Variants in UBE2B observed in about 807,000 individuals in gnomAD.
The protein encoded by UBE2B is ubiquitin-conjugating enzyme E2 B.
In UBE2B, 11 loss-of-function variants were observed where a neutral mutation model predicts 24.6. The ratio of observed to expected loss-of-function variants is 0.45; its 90% confidence interval spans 0.28 to 0.74. UBE2B has a LOEUF of 0.74. UBE2B is among the 30% of genes least tolerant of loss of function. The pLI is 0.13. For synonymous variants in UBE2B, 68 were observed against 62.4 expected (o/e 1.09, Z -0.42); for missense variants, 78 against 185.6 (o/e 0.42, Z 3.37).
intron 4 of UBE2B, 82 bp from the exon 5 acceptor site, chr5:134,388,243 C>A (rs1055282769): frequency 4.2e-6 from 5 of 1,200,744 alleles, no homozygotes; most frequent in Middle Eastern, 2.6e-4. Context: ...AACTTCTAAG[C>A]CAAGCATTCT....
At chr5:134,376,348 A>AAAATATATATATATATATAT (rs1554114145) in intron 2 of UBE2B, among the ~76,000 whole-genome samples, 1 of 4,776 alleles carries the variant, frequency 2.1e-4, no homozygotes, top group African/African-American at 4.4e-4. Flanking sequence ...AAAAAAAAAA[A>AAAATATATATATATATATAT]ATATATATAT....
intron 3 of UBE2B, among the ~76,000 whole-genome samples, chr5:134,379,394 C>T (rs1758666366): frequency 6.6e-6 from 1 of 151,752 alleles, no homozygotes; most frequent in Admixed American, 6.6e-5. Context: ...GCCTGTAATC[C>T]CAGCACTTTG....
At chr5:134,381,057 C>T (rs192766327) in intron 4 of UBE2B, among the ~76,000 whole-genome samples, 217 of 150,112 alleles carry the variant, frequency 1.4e-3, no homozygotes, top group African/African-American at 5.1e-3. Context: ...AGCTCCGCCT[C>T]CCGGGTTCAC....
chr5:134,372,735 G>A (rs754128655), intron 1 of UBE2B, among the ~76,000 whole-genome samples: 2 of 152,130 alleles, frequency 1.3e-5, no homozygotes, highest in African/African-American at 2.4e-5. Flanking sequence ...GCTTCTGTTC[G>A]TGGTGGCCTA....
intron 4 of UBE2B, among the ~76,000 whole-genome samples, chr5:134,384,837 ACT>A (rs752301498): frequency 4.0e-5 from 6 of 151,862 alleles, no homozygotes; most frequent in African/African-American, 1.4e-4. Context: ...TTAGCAGTCA[ACT>A]CTGTTTGTCT....
chr5:134,379,940 A>G (rs1758681564), intron 3 of UBE2B, among the ~76,000 whole-genome samples: 1 of 151,738 alleles, frequency 6.6e-6, no homozygotes, highest in Non-Finnish European at 1.5e-5. Context: ...TTGGAGACAG[A>G]GTCTTGCTCT....
At chr5:134,375,499 C>T (rs1758583214) in intron 2 of UBE2B, among the ~76,000 whole-genome samples, 1 of 152,092 alleles carries the variant, frequency 6.6e-6, no homozygotes, top group Non-Finnish European at 1.5e-5. Context: ...TCATAAAGTA[C>T]TTCTGAATTT....
At chr5:134,386,723 T>C (rs186573074) in intron 4 of UBE2B, among the ~76,000 whole-genome samples, 1 of 152,208 alleles carries the variant, frequency 6.6e-6, no homozygotes, top group East Asian at 1.9e-4. Context: ...GTCTTAGAAA[T>C]GTTTTTTGAC....
At chr5:134,374,328 GCCT>G (rs1758561214) in intron 1 of UBE2B, 52 bp from the exon 2 acceptor site, 1 of 1,503,576 alleles carries the variant, frequency 6.7e-7, no homozygotes, top group Non-Finnish European at 9.1e-7. Context: ...TGTTTACGTG[GCCT>G]CCTTAGTGGC....
In UBE2B at chr5:134,380,987, G is replaced by C. The variant is rs529017643; in HGVS notation, c.241+179G>C. Among the ~76,000 whole-genome samples the C allele has an allele frequency of 5.3e-4, 26 of 49,478 alleles. 1 individual carries two copies. The highest frequency in any genetic ancestry group is 7.6e-4 in the Non-Finnish European group (21 of 27,728). The allele number at this position is 49,478 out of a possible 152,430, so 32.5% of individuals were successfully genotyped here. On this transcript the variant is annotated intron_variant, in intron 4 of 5. Transcript: ENST00000265339. ...TTTTTTTTTTTTTTTTTTTTTTTGA[G>C]ACGGAGTCTCGCTCTGTCGCCCAGG... is the stretch of plus-strand genomic sequence containing the variant.
chr5:134,386,768 T>C (rs1409813653), intron 4 of UBE2B, among the ~76,000 whole-genome samples: 1 of 152,196 alleles, frequency 6.6e-6, no homozygotes, highest in Non-Finnish European at 1.5e-5. Flanking sequence ...ATAAAACTTT[T>C]TAATCAAAAT....
chr5:134,377,627 A>T (rs1758631274), intron 3 of UBE2B, among the ~76,000 whole-genome samples: 1 of 152,082 alleles, frequency 6.6e-6, no homozygotes, highest in African/African-American at 2.4e-5. Flanking sequence ...GGGGGTAAGG[A>T]GTTGAAGGAG....
intron 4 of UBE2B, among the ~76,000 whole-genome samples, chr5:134,383,626 A>G (rs897998696): frequency 6.6e-6 from 1 of 151,450 alleles, no homozygotes; most frequent in Admixed American, 6.6e-5. Context: ...ATATCCAGCT[A>G]ATTTTTATAT....
At chr5:134,372,054 C>G (rs762826265) in intron 1 of UBE2B, among the ~76,000 whole-genome samples, 1 of 152,240 alleles carries the variant, frequency 6.6e-6, no homozygotes, top group African/African-American at 2.4e-5. Context: ...TGTTTCACGG[C>G]CCCGCCGTCT....
rs577130633 is a variant in UBE2B at position 134,385,266 on chromosome 5, T to C, written c.242-3059T>C. ...GTAAGTTGGCTTTGAAGCTGAGAGA[T>C]AGATCTAGGCTAAGGCCAATGATTG... On this transcript the variant is annotated intron_variant, in intron 4 of 5. Transcript: ENST00000265339. 5.3e-5 allele frequency among the ~76,000 whole-genome samples: 8 copies of C among 152,308 alleles called. No individual in the cohort carries two copies. The East Asian group carries it at 1.2e-3, about 22-fold the overall frequency.
chr5:134,382,113 T>C (rs1420866982), intron 4 of UBE2B, among the ~76,000 whole-genome samples: 1 of 152,084 alleles, frequency 6.6e-6, no homozygotes, highest in African/African-American at 2.4e-5. Context: ...ATTTGTGGAA[T>C]TGTGAAAAAT....
intron 2 of UBE2B, among the ~76,000 whole-genome samples, chr5:134,376,348 A>AATATATATATATATATATATATAT (rs1190025064): frequency 0.02 from 94 of 4,736 alleles, 6 homozygotes; most frequent in Non-Finnish European, 0.029. Flanking sequence ...AAAAAAAAAA[A>AATATATATATATATATATATATAT]ATATATATAT....
At chr5:134,380,831 T>G in intron 4 of UBE2B, 23 bp downstream of exon 4, 1 of 1,515,994 alleles carries the variant, frequency 6.6e-7, no homozygotes, top group Non-Finnish European at 9.1e-7. Context: ...TTATAGATTT[T>G]GCAGATGATA....
At chr5:134,377,617 G>C (rs112255421) in intron 3 of UBE2B, among the ~76,000 whole-genome samples, 52 of 152,240 alleles carry the variant, frequency 3.4e-4, no homozygotes, top group Non-Finnish European at 6.6e-4. Context: ...TATCTGTGGG[G>C]GGGGTAAGGA....
Sources: gnomAD v4.1 joint callset for allele counts (sites outside exome capture counted in the v4.1 genomes callset) on GRCh38, gnomAD v4.1.1 for gene constraint, MANE v1.5 for transcripts, NCBI Gene and HGNC (gene_info 2026-07-23, HGNC 2026-07-21) for gene names.